Variants in SCARA5 observed in about 807,000 individuals in gnomAD.
SCARA5 encodes scavenger receptor class A, member 5 (putative).
In SCARA5, 45 loss-of-function variants were observed where a neutral mutation model predicts 46.3. The ratio of observed to expected loss-of-function variants is 0.97; its 90% CI spans 0.76 to 1.24. SCARA5 has a LOEUF of 1.24. Ranked by LOEUF, SCARA5 falls within the 50% of genes most tolerant of loss-of-function variation. SCARA5 has a pLI of 0.00. For missense variants in SCARA5, 680 were observed against 689.0 expected (o/e 0.99, Z 0.15); for synonymous variants, 333 against 306.5 (o/e 1.09, Z -0.90).
intron 8 of SCARA5, among the ~76,000 whole-genome samples, chr8:27,875,323 A>G (rs183565270): frequency 1.3e-5 from 2 of 152,086 alleles, no homozygotes; most frequent in Admixed American, 1.3e-4. Context: ...TGGGTTTTGG[A>G]ACTACAAAGG....
At chr8:27,974,283 T>C (rs1038650122) in intron 2 of SCARA5, among the ~76,000 whole-genome samples, 3 of 152,224 alleles carry the variant, frequency 2.0e-5, no homozygotes, top group Admixed American at 6.5e-5. Flanking sequence ...GCAGTCCCCT[T>C]CATCAAAATG....
At position 27,976,060 on chromosome 8, in the gene SCARA5, A is replaced by G. The variant is rs376049365; in HGVS notation, c.113-9518T>C. 9.2e-5 allele frequency among the ~76,000 whole-genome samples: 14 copies of G among 152,120 alleles called. No individual in the cohort carries two copies. In the East Asian group the frequency reaches 1.5e-3, roughly 17 times the overall value. The stretch of plus-strand genomic sequence containing the variant: ...TGCATAAAAATTCTTGAGAACAATC[A>G]AGGGTGTGTGTGCTTGTTTTTGGGA... On this transcript the variant is annotated intron_variant, in intron 2 of 8. Transcript: ENST00000354914.
At chr8:27,887,728 G>A (rs955318336) in intron 7 of SCARA5, among the ~76,000 whole-genome samples, 6 of 152,168 alleles carry the variant, frequency 3.9e-5, no homozygotes, top group East Asian at 1.9e-4. Flanking sequence ...CCACAAGCCC[G>A]AGATGGAGCA....
chr8:27,905,140 G>A (rs2685369), intron 6 of SCARA5, among the ~76,000 whole-genome samples: 108,828 of 151,656 alleles, frequency 0.72, 39,291 homozygotes, highest in East Asian at 0.8. Flanking sequence ...AGGTTTTAGA[G>A]GTCCACATCC....
intron 7 of SCARA5, among the ~76,000 whole-genome samples, chr8:27,901,655 G>A (rs113551520): frequency 0.02 from 3,067 of 152,298 alleles, 91 homozygotes; most frequent in African/African-American, 0.069. Flanking sequence ...GTCAGAGCAA[G>A]CTGGTGGGCA....
intron 3 of SCARA5, among the ~76,000 whole-genome samples, chr8:27,961,569 C>T (rs927381050): frequency 6.6e-6 from 1 of 152,176 alleles, no homozygotes; most frequent in Non-Finnish European, 1.5e-5. Flanking sequence ...GCTGATTTCC[C>T]CCGTTTTCAG....
chr8:27,945,684 G>T (rs1808024744), intron 3 of SCARA5, among the ~76,000 whole-genome samples: 2 of 152,136 alleles, frequency 1.3e-5, no homozygotes. Flanking sequence ...TACTTCCTTG[G>T]TCCCCCTATA....
chr8:27,948,548 C>G (rs2685420), intron 3 of SCARA5, among the ~76,000 whole-genome samples: 148,710 of 152,370 alleles, frequency 0.98, 72,606 homozygotes, highest in East Asian at 1. Flanking sequence ...TCCACTGGGC[C>G]GAAGGGTGTG....
rs751627046 is a variant in SCARA5 at position 27,905,523 on chromosome 8, T to TGGCGGG, written c.1097-690_1097-689insCCCGCC. Among the ~76,000 whole-genome samples the TGGCGGG allele has an allele frequency of 3.5e-4, 19 of 53,634 alleles. 3 individuals carry two copies. The highest frequency in any genetic ancestry group is 7.0e-4 in the African/African-American group (14 of 20,044). 35.2% of individuals were successfully genotyped at this position (53,634 alleles called of 152,430 possible). On this transcript the variant is annotated intron_variant, in intron 6 of 8. Transcript: ENST00000354914. ...AGAATGCCCAGGATGATCCAAGATTTGGGGGGGGGAAAAAAAAAAGGCAGC... is the reference window on the plus strand; with the variant it reads ...AGAATGCCCAGGATGATCCAAGATTTGGCGGGGGGGGGGGGAAAAAAAAAAGGCAGC...
intron 2 of SCARA5, among the ~76,000 whole-genome samples, chr8:27,984,437 A>G (rs1296013508): frequency 6.6e-6 from 1 of 152,222 alleles, no homozygotes; most frequent in Non-Finnish European, 1.5e-5. Flanking sequence ...ATGCTTTGCC[A>G]CATTTAGACT....
At chr8:27,991,155 T>G (rs1808781197) in intron 1 of SCARA5, among the ~76,000 whole-genome samples, 1 of 152,190 alleles carries the variant, frequency 6.6e-6, no homozygotes, top group African/African-American at 2.4e-5. Context: ...GGAACTTGGC[T>G]CAATTACCTG....
At chr8:27,894,156 T>C (rs1807026373) in intron 7 of SCARA5, among the ~76,000 whole-genome samples, 1 of 152,232 alleles carries the variant, frequency 6.6e-6, no homozygotes, top group African/African-American at 2.4e-5. Context: ...ATTTGCTCAT[T>C]TCTTCTTCAG....
At chr8:27,945,368 G>A (rs1391917474) in intron 3 of SCARA5, among the ~76,000 whole-genome samples, 1 of 152,188 alleles carries the variant, frequency 6.6e-6, no homozygotes, top group Non-Finnish European at 1.5e-5. Context: ...AAAAACTGAT[G>A]TCAAGCCGTG....
At chr8:27,975,490 T>C (rs10097646) in intron 2 of SCARA5, among the ~76,000 whole-genome samples, 38,731 of 145,808 alleles carry the variant, frequency 0.27, 5,313 homozygotes, top group Middle Eastern at 0.37. Flanking sequence ...AGCAGTCTTG[T>C]GGGACTGGGC....
intron 3 of SCARA5, among the ~76,000 whole-genome samples, chr8:27,937,750 G>A (rs953709502): frequency 2.6e-5 from 4 of 152,138 alleles, no homozygotes; most frequent in African/African-American, 7.2e-5. Context: ...TCCTTGGCTC[G>A]TAGATGGCTG....
intron 2 of SCARA5, among the ~76,000 whole-genome samples, chr8:27,969,818 C>T (rs573172404): frequency 6.6e-6 from 1 of 152,144 alleles, no homozygotes; most frequent in African/African-American, 2.4e-5. Context: ...TCTGACACTA[C>T]TATTAAAAAA....
At chr8:27,944,418 C>T (rs1808000030) in intron 3 of SCARA5, among the ~76,000 whole-genome samples, 1 of 151,978 alleles carries the variant, frequency 6.6e-6, no homozygotes, top group Admixed American at 6.6e-5. Flanking sequence ...AATGGTTCCA[C>T]AAAAATTAAA....
At chr8:27,910,665 C>T (rs1412368981) in intron 4 of SCARA5, among the ~76,000 whole-genome samples, 2 of 152,198 alleles carry the variant, frequency 1.3e-5, no homozygotes. Context: ...GGTGAGACCC[C>T]TGGATGAGGA....
rs1445185382 is a variant in SCARA5, at chr8:27,871,274, A to G, written c.*660T>C. ...TGGATACATGAATTTGGCACCCAAGATACTATTTAGCGTGCCATGGTAGTC... is the reference window on the plus strand; with the variant it reads ...TGGATACATGAATTTGGCACCCAAGGTACTATTTAGCGTGCCATGGTAGTC... On this transcript the variant is annotated 3_prime_UTR_variant, in exon 9 of 9. Coordinates refer to ENST00000354914, the MANE Select transcript of SCARA5 (RefSeq NM_173833.6). The G allele has an allele frequency of 4.3e-6, 1 of 232,680 alleles. No individual in the cohort carries two copies. The highest frequency in any genetic ancestry group is 7.1e-6 in the Non-Finnish European group (1 of 141,686). 14.4% of individuals were successfully genotyped at this position (232,680 alleles called of 1,614,324 possible). A position where few individuals can be genotyped will look rare whatever the true frequency, so the allele number is the denominator to read the frequency against.
Sources: allele counts gnomAD v4.1 joint callset (sites outside exome capture counted in the v4.1 genomes callset), GRCh38; gene constraint gnomAD v4.1.1; transcripts MANE v1.5; gene names NCBI Gene and HGNC (gene_info 2026-07-23, HGNC 2026-07-21).